Variants in NRG4 observed in about 807,000 individuals in gnomAD.
The protein encoded by NRG4 is neuregulin 4.
A neutral mutation model predicts 15.0 loss-of-function variants in NRG4; 10 were observed. The observed-to-expected ratio is 0.67, with a 90% CI of 0.41 to 1.13. NRG4 has a LOEUF of 1.13. NRG4 is among the 50% of genes most tolerant of loss of function. The pLI is 0.00. For missense variants in NRG4, 139 were observed against 140.2 expected, an observed-to-expected ratio of 0.99 and a Z score of 0.04; for synonymous variants, 41 against 50.1, an observed-to-expected ratio of 0.82 and a Z score of 0.77.
intron 3 of NRG4, among the ~76,000 whole-genome samples, chr15:75,993,214 G>T (rs899736318): frequency 6.7e-6 from 1 of 149,614 alleles, no homozygotes; most frequent in Admixed American, 6.7e-5. Flanking sequence ...TTTGCTTGGT[G>T]TTTGTTGAGC....
chr15:76,039,010 A>G (rs1345532532), intron 4 of NRG4, among the ~76,000 whole-genome samples: 3 of 152,236 alleles, frequency 2.0e-5, no homozygotes. Context: ...TATCACCAAG[A>G]CGGTACTTCT....
rs1263611284 is a variant in NRG4 at position 75,977,085 on chromosome 15, G to T, written c.105-15111C>A. Among the ~76,000 whole-genome samples the T allele has an allele frequency of 2.0e-5, 3 of 152,178 alleles. No homozygotes were observed. The highest frequency in any genetic ancestry group is 4.4e-5 in the Non-Finnish European group (3 of 68,028). On this transcript the variant is annotated intron_variant, in intron 3 of 5. Transcript: ENST00000394907. The surrounding 1 kb of genome is among the most constrained non-coding windows in gnomAD (Gnocchi z 4.9). Reference sequence around the variant, plus strand: ...TACCGCCGCTTTGTGGCACTGTGGTGGGCTCTGCCCTGTCCAAACTTCCCA... The same window carrying T: ...TACCGCCGCTTTGTGGCACTGTGGTTGGCTCTGCCCTGTCCAAACTTCCCA...
chr15:76,055,990 T>C (rs961486831), intron 2 of NRG4, among the ~76,000 whole-genome samples: 1 of 152,250 alleles, frequency 6.6e-6, no homozygotes, highest in Admixed American at 6.5e-5. Context: ...GCTTGCTGCA[T>C]TAAGTATTCT....
Position 75,989,523 on chromosome 15 carries a change from C to T in NRG4, c.104+19677G>A, listed in dbSNP as rs911560191. 5.3e-5 allele frequency among the ~76,000 whole-genome samples: 8 copies of T among 151,978 alleles called. No homozygotes were observed. In the East Asian group the frequency reaches 1.2e-3, roughly 22 times the overall value. ...GTTCCTTAGTCTGAAAAAAAAAAAT[C>T]TATTTTGGAAAGTTTTTATTGCTAT... On this transcript the variant is annotated intron_variant, in intron 3 of 5. Coordinates refer to ENST00000394907, the MANE Select transcript of NRG4 (RefSeq NM_138573.4).
intron 4 of NRG4, among the ~76,000 whole-genome samples, chr15:76,049,208 C>T (rs2035941386): frequency 6.6e-6 from 1 of 150,732 alleles, no homozygotes; most frequent in Admixed American, 6.6e-5. Context: ...CACATACATA[C>T]ACACACACAC....
At chr15:76,017,821 G>A (rs150045134) in intron 5 of NRG4, among the ~76,000 whole-genome samples, 13,034 of 151,964 alleles carry the variant, frequency 0.086, 599 homozygotes, top group African/African-American at 0.1. Context: ...TGCTCTTCTC[G>A]AGTAGTATCT....
chr15:75,969,129 C>A (rs1019762838), intron 3 of NRG4: 2 of 453,716 alleles, frequency 4.4e-6, no homozygotes, highest in Non-Finnish European at 8.9e-6. Context: ...GGCATCTTAC[C>A]TTCCCAGGCT....
Position 75,955,955 on chromosome 15 carries a change from G to GTC in NRG4, c.306_307dup (p.Thr103ArgfsTer20), listed in dbSNP as rs755193813. 2 of 1,608,980 alleles carry GTC rather than the reference G, an allele frequency of 1.2e-6. No individual in the cohort carries two copies. Among genetic ancestry groups the GTC allele is most frequent in the Admixed American group, 3.3e-5 (2 of 59,990 alleles). ...ACTGTGGTGGGCACTGGTACTGCTCGTCTCTACCAGGTTGATATCATACTG... is the reference window on the plus strand; with the variant it reads ...ACTGTGGTGGGCACTGGTACTGCTCGTCTCTCTACCAGGTTGATATCATACTG... On this transcript the variant is annotated frameshift_variant, in exon 5 of 6. Coordinates refer to ENST00000394907, the MANE Select transcript of NRG4 (RefSeq NM_138573.4). LOFTEE classifies it high-confidence loss of function.
intron 4 of NRG4, among the ~76,000 whole-genome samples, chr15:75,958,214 A>G (rs1330019062): frequency 3.9e-5 from 6 of 151,972 alleles, no homozygotes; most frequent in South Asian, 2.1e-4. Flanking sequence ...GGGTTTCACC[A>G]TGTTAGCCAG....
chr15:76,056,809 T>A (rs2036162376), intron 2 of NRG4: 1 of 152,232 alleles, frequency 6.6e-6, no homozygotes, highest in African/African-American at 2.4e-5. Flanking sequence ...GCTACCAATC[T>A]TTTTCAGACA....
intron 5 of NRG4, among the ~76,000 whole-genome samples, chr15:76,023,043 G>T (rs948338319): frequency 6.6e-6 from 1 of 151,196 alleles, no homozygotes; most frequent in African/African-American, 2.4e-5. Context: ...AATAACTAAA[G>T]GAATAGCTAT....
At chr15:76,057,772 T>A (rs1275086846) in intron 1 of NRG4, among the ~76,000 whole-genome samples, 2 of 151,686 alleles carry the variant, frequency 1.3e-5, no homozygotes, top group Admixed American at 1.3e-4. Context: ...CACGTAAACT[T>A]TATTAGCATG....
At chr15:76,000,216 T>A (rs529543509) in intron 3 of NRG4, among the ~76,000 whole-genome samples, 1 of 152,104 alleles carries the variant, frequency 6.6e-6, no homozygotes, top group East Asian at 1.9e-4. Flanking sequence ...GACTCGAACT[T>A]GAAGGGCTTT....
intron 2 of NRG4, among the ~76,000 whole-genome samples, chr15:76,009,898 TA>T (rs1248302263): frequency 6.6e-6 from 1 of 152,138 alleles, no homozygotes; most frequent in Non-Finnish European, 1.5e-5. Context: ...AAAGAAAAAT[TA>T]AAAAGCTAAG....
At chr15:75,982,257 C>G (rs1040366145) in intron 3 of NRG4, among the ~76,000 whole-genome samples, 2 of 152,060 alleles carry the variant, frequency 1.3e-5, no homozygotes, top group Non-Finnish European at 2.9e-5. Context: ...CAATAAAATA[C>G]AATAAGAATC....
At chr15:75,962,255 T>C (rs756266687) in intron 3 of NRG4, among the ~76,000 whole-genome samples, 15 of 152,222 alleles carry the variant, frequency 9.9e-5, no homozygotes, top group Middle Eastern at 3.2e-3. Flanking sequence ...TTTTATCTTG[T>C]AGATTTTCAA....
chr15:75,966,040 A>G (rs1479277383), intron 3 of NRG4, among the ~76,000 whole-genome samples: 1 of 152,236 alleles, frequency 6.6e-6, no homozygotes, highest in Admixed American at 6.5e-5. Context: ...GAACAGGTAC[A>G]AATACTCCAC....
At chr15:76,041,678 T>C (rs1375790420) in intron 4 of NRG4, among the ~76,000 whole-genome samples, 4 of 152,048 alleles carry the variant, frequency 2.6e-5, no homozygotes, top group East Asian at 1.9e-4. Flanking sequence ...CACCCAGATA[T>C]ATAGAGCAAA....
At chr15:76,007,832 A>G (rs2034662909) in intron 3 of NRG4, among the ~76,000 whole-genome samples, 1 of 152,208 alleles carries the variant, frequency 6.6e-6, no homozygotes, top group Non-Finnish European at 1.5e-5. Flanking sequence ...AAGTTAAGTG[A>G]AACTTGTGAG....
Sources: allele counts gnomAD v4.1 joint callset (sites outside exome capture counted in the v4.1 genomes callset), GRCh38; gene constraint gnomAD v4.1.1; non-coding constraint Gnocchi (gnomAD v3.1); transcripts MANE v1.5; gene names NCBI Gene and HGNC (gene_info 2026-07-23, HGNC 2026-07-21).